Variants in ABCA12 observed in about 807,000 individuals in gnomAD.
ABCA12 encodes the protein ATP binding cassette subfamily A member 12.
Under a neutral mutation model 293.5 loss-of-function variants are expected in ABCA12, and 156 were observed. That is an observed-to-expected ratio of 0.53 (90% CI 0.47 to 0.61). ABCA12 has a LOEUF of 0.61. Among genes scored for constraint, ABCA12 ranks in the 20% least tolerant of loss-of-function variants. The pLI is 0.00. For missense variants in ABCA12, 2,797 were observed against 3,090.2 expected (o/e 0.91, Z 2.25); for synonymous variants, 1,063 against 1,108.0 (o/e 0.96, Z 0.81).
chr2:215,102,045 G>A (rs540045202), intron 2 of ABCA12, among the ~76,000 whole-genome samples: 21 of 152,216 alleles, frequency 1.4e-4, no homozygotes, highest in African/African-American at 4.8e-4. Flanking sequence ...GTGTGTGTGT[G>A]TGCCTATGTA....
At chr2:215,132,619 C>T (rs1703084800) in intron 1 of ABCA12, among the ~76,000 whole-genome samples, 1 of 151,710 alleles carries the variant, frequency 6.6e-6, no homozygotes, top group African/African-American at 2.4e-5. Context: ...TACTTTAAGT[C>T]TGAATGCATC....
In ABCA12 at chr2:214,980,475, AT is replaced by A; in HGVS notation, c.4740+7del. 6.2e-7 allele frequency: 1 copy of A among 1,613,184 alleles called. No individual in the cohort carries two copies. Among genetic ancestry groups the A allele is most frequent in the Non-Finnish European group, 8.5e-7 (1 of 1,179,924 alleles). On this transcript the variant is annotated splice_region_variant and intron_variant, in intron 31 of 52. Coordinates refer to ENST00000272895, the MANE Select transcript of ABCA12 (RefSeq NM_173076.3). ...GCCATAATGAGATATATTTTCTCCC[AT>A]TCCTACCTTCTTCTTGGTAAGCGTG...
At position 214,932,478 on chromosome 2, in the gene ABCA12, T is replaced by C; in HGVS notation, c.*156A>G. 1.5e-6 allele frequency: 1 copy of C among 679,856 alleles called. No individual in the cohort carries two copies. The highest frequency in any genetic ancestry group is 2.5e-6 in the Non-Finnish European group (1 of 393,134). The allele number at this position is 679,856 out of a possible 1,614,324, so 42.1% of individuals were successfully genotyped here. A position where few individuals can be genotyped will look rare whatever the true frequency, so the allele number is the denominator to read the frequency against. On this transcript the variant is annotated 3_prime_UTR_variant, in exon 53 of 53. Coordinates refer to ENST00000272895, the MANE Select transcript of ABCA12 (RefSeq NM_173076.3). ...ACTGACCTTAGAAGGAAAAATTTCC[T>C]TTTATAATTACTTGTTAGTCTAACA...
At chr2:215,120,075 A>C (rs1702773237) in intron 1 of ABCA12, among the ~76,000 whole-genome samples, 2 of 152,246 alleles carry the variant, frequency 1.3e-5, no homozygotes, top group African/African-American at 4.8e-5. Context: ...ATGGAATATT[A>C]CATAGCCATG....
intron 3 of ABCA12, among the ~76,000 whole-genome samples, chr2:215,062,357 T>C (rs1701545993): frequency 6.6e-6 from 1 of 151,980 alleles, no homozygotes; most frequent in African/African-American, 2.4e-5. Context: ...TAGCTGGCAG[T>C]GGTCTTCTTA....
chr2:215,097,912 A>C (rs1702280020), intron 2 of ABCA12, among the ~76,000 whole-genome samples: 1 of 152,212 alleles, frequency 6.6e-6, no homozygotes, highest in African/African-American at 2.4e-5. Context: ...GTTCTTGGGT[A>C]TATCTCTGAA....
intron 1 of ABCA12, among the ~76,000 whole-genome samples, chr2:215,115,158 C>T (rs930773110): frequency 3.3e-5 from 5 of 152,046 alleles, no homozygotes; most frequent in African/African-American, 9.7e-5. Context: ...AGCCTATAAA[C>T]GAATCTATTA....
At chr2:215,015,960 T>C (rs568987888) in intron 14 of ABCA12, among the ~76,000 whole-genome samples, 202 of 148,194 alleles carry the variant, frequency 1.4e-3, no homozygotes, top group Non-Finnish European at 2.4e-3. Flanking sequence ...CTGGCCAACA[T>C]GGTGAAACCC....
At chr2:215,091,219 ACTC>A (rs1378297537) in intron 2 of ABCA12, among the ~76,000 whole-genome samples, 19 of 149,200 alleles carry the variant, frequency 1.3e-4, no homozygotes, top group Non-Finnish European at 2.8e-4. Context: ...TGACCTCTCC[ACTC>A]CTCCCCAGGC....
intron 8 of ABCA12, among the ~76,000 whole-genome samples, chr2:215,035,522 AG>A (rs1237589261): frequency 2.0e-5 from 3 of 151,912 alleles, no homozygotes; most frequent in Non-Finnish European, 4.4e-5. Flanking sequence ...ACAAAAAAGT[AG>A]CCGGGCGTGG....
In ABCA12 at chr2:214,986,629, A is replaced by G; in HGVS notation, c.4076T>C (p.Val1359Ala). 3 of 1,614,084 alleles carry G rather than the reference A, an allele frequency of 1.9e-6. No individual in the cohort carries two copies. Among genetic ancestry groups the G allele is most frequent in the Non-Finnish European group, 2.5e-6 (3 of 1,179,986 alleles). The change falls in exon 28 of 53, where the codon GTT becomes GCT. Residue 1359 changes from valine to alanine, a missense_variant. By Grantham distance (64) the Val-to-Ala change is moderately conservative. Around this residue, in one of 3 missense-constraint regions of ABCA12, gnomAD observed 2,130 missense variants for 2,427.0 expected, o/e 0.88. Coordinates refer to ENST00000272895, the MANE Select transcript of ABCA12 (RefSeq NM_173076.3). ...HGVTKIYGSK[V>A]AVDNLNLNFY... is the part of the protein sequence containing the mutation. Reference sequence around the variant, plus strand: ...GTTCAGATTGAGGTTATCAACAGCAACTTTTGAGCCATAGATCTTTGTGAC... The same window carrying G: ...GTTCAGATTGAGGTTATCAACAGCAGCTTTTGAGCCATAGATCTTTGTGAC...
At chr2:215,040,254 A>G (rs757059627) in intron 7 of ABCA12, among the ~76,000 whole-genome samples, 27 of 152,196 alleles carry the variant, frequency 1.8e-4, no homozygotes, top group African/African-American at 6.0e-4. Context: ...GTCAGATGCT[A>G]TTCTATCAAA....
intron 2 of ABCA12, among the ~76,000 whole-genome samples, chr2:215,075,217 A>C (rs2372478): frequency 0.95 from 145,145 of 152,112 alleles, 69,480 homozygotes; most frequent in East Asian, 1. Context: ...TCTCCCTTCG[A>C]CACTTCTAAA....
chr2:214,974,137 AT>A, intron 35 of ABCA12, 95 bp from the exon 36 acceptor site: 1 of 1,088,428 alleles, frequency 9.2e-7, no homozygotes. Context: ...TATTAAGTTC[AT>A]GTGTGTAGTC....
At chr2:215,066,561 C>T (rs1701643431) in intron 2 of ABCA12, among the ~76,000 whole-genome samples, 1 of 152,048 alleles carries the variant, frequency 6.6e-6, no homozygotes, top group Non-Finnish European at 1.5e-5. Context: ...GGAATTTAAC[C>T]CACAACATTC....
intron 2 of ABCA12, among the ~76,000 whole-genome samples, chr2:215,078,509 C>T (rs966591159): frequency 4.6e-5 from 7 of 152,262 alleles, no homozygotes; most frequent in South Asian, 2.1e-4. Context: ...CTTAAAAGTC[C>T]CAGTTCTTAT....
Position 214,942,961 on chromosome 2 carries a change from A to G in ABCA12, c.7400T>C (p.Phe2467Ser). ...TRLAIMVNGK[F>S]QCIGSLQHIK... ...GTGCTGCAAAGATCCAATACATTGA[A>G]ACTTTCCATTCACCATAATGGCCAA... Residue 2467 changes from phenylalanine to serine, a missense_variant, in exon 50 of 53, where the codon TTT becomes TCT. By Grantham distance (155) the Phe-to-Ser change is radical. Coordinates refer to ENST00000272895, the MANE Select transcript of ABCA12 (RefSeq NM_173076.3). 1 of 1,613,534 alleles carries G rather than the reference A, an allele frequency of 6.2e-7. No individual in the cohort carries two copies. Among genetic ancestry groups the G allele is most frequent in the Non-Finnish European group, 8.5e-7 (1 of 1,179,786 alleles).
At chr2:215,121,884 G>C (rs923587011) in intron 1 of ABCA12, among the ~76,000 whole-genome samples, 1 of 152,074 alleles carries the variant, frequency 6.6e-6, no homozygotes, top group African/African-American at 2.4e-5. Flanking sequence ...TGAATGTGAG[G>C]CTTCCCCAGC....
Position 215,019,433 on chromosome 2 carries a change from T to G in ABCA12, c.1560A>C (p.Ala520=). The change falls in exon 13 of 53, where the codon GCA becomes GCC. Residue 520 remains alanine (A), a synonymous_variant. Coordinates refer to ENST00000272895, the MANE Select transcript of ABCA12 (RefSeq NM_173076.3). ...NLNMDQFLEQ[A]LQMNYLENIT... ...TATTTTCCAAGTAATTCATTTGCAG[T>G]GCCTGTTCTAGAAACCTGGAACAAA... 2 of 1,613,952 alleles carry G rather than the reference T, an allele frequency of 1.2e-6. No homozygotes were observed. Among genetic ancestry groups the G allele is most frequent in the Non-Finnish European group, 1.7e-6 (2 of 1,179,844 alleles).
Sources: allele counts gnomAD v4.1 joint callset (sites outside exome capture counted in the v4.1 genomes callset), GRCh38; gene constraint gnomAD v4.1.1; regional missense constraint gnomAD v4.1.1; transcripts MANE v1.5; gene names NCBI Gene and HGNC (gene_info 2026-07-23, HGNC 2026-07-21).